Variants in PRKCB observed in about 807,000 individuals in gnomAD.
The protein encoded by PRKCB is protein kinase C beta.
Under a neutral mutation model 81.5 loss-of-function variants are expected in PRKCB, and 13 were observed. The observed-to-expected ratio is 0.16, with a 90% CI of 0.10 to 0.25. PRKCB has a LOEUF of 0.25. Among genes scored for constraint, PRKCB ranks in the 10% least tolerant of loss-of-function variants. The pLI, the probability that PRKCB is intolerant of heterozygous loss-of-function variation, is 1.00. For missense variants in PRKCB, 509 were observed against 875.7 expected (o/e 0.58, Z 5.29); for synonymous variants, 335 against 321.4 (o/e 1.04, Z -0.45).
intron 2 of PRKCB, among the ~76,000 whole-genome samples, chr16:23,844,649 A>G (rs952441043): frequency 2.6e-5 from 4 of 151,880 alleles, no homozygotes; most frequent in Non-Finnish European, 5.9e-5. Flanking sequence ...CTGGGACTAC[A>G]GGCGCCCACC....
chr16:24,069,422 G>C (rs1303162646), intron 5 of PRKCB, among the ~76,000 whole-genome samples: 1 of 152,192 alleles, frequency 6.6e-6, no homozygotes, highest in Non-Finnish European at 1.5e-5. Flanking sequence ...GGGACGAGCA[G>C]TGCTGTGCTG....
chr16:23,945,347 G>T (rs190388281), intron 2 of PRKCB, among the ~76,000 whole-genome samples: 110 of 152,314 alleles, frequency 7.2e-4, no homozygotes, highest in Non-Finnish European at 1.5e-3. Flanking sequence ...TGGAAATAAT[G>T]TGTGTGATCC....
intron 2 of PRKCB, among the ~76,000 whole-genome samples, chr16:23,937,351 G>T (rs147804642): frequency 8.1e-4 from 123 of 152,274 alleles, no homozygotes; most frequent in African/African-American, 2.8e-3. Context: ...TAGCACAGTG[G>T]AACCACACTG....
At chr16:24,036,350 C>T (rs1034194771) in intron 5 of PRKCB, among the ~76,000 whole-genome samples, 2 of 152,170 alleles carry the variant, frequency 1.3e-5, no homozygotes, top group Middle Eastern at 3.4e-3. Context: ...CCATAAGCCC[C>T]GGTATAACCA....
chr16:23,968,943 G>T (rs1964522780), intron 2 of PRKCB, among the ~76,000 whole-genome samples: 1 of 152,154 alleles, frequency 6.6e-6, no homozygotes, highest in Admixed American at 6.5e-5. Context: ...TCTCAGGTGG[G>T]CAGATCTCTT....
At chr16:24,030,122 T>G (rs913990989) in intron 3 of PRKCB, among the ~76,000 whole-genome samples, 2 of 152,220 alleles carry the variant, frequency 1.3e-5, no homozygotes, top group Non-Finnish European at 2.9e-5. Context: ...GGTCTTGATC[T>G]CCTGGCCTCA....
At chr16:24,163,405 A>G (rs1967295199) in intron 10 of PRKCB, among the ~76,000 whole-genome samples, 1 of 152,200 alleles carries the variant, frequency 6.6e-6, no homozygotes, top group Admixed American at 6.5e-5. Context: ...ACAGGAAATG[A>G]ATCAGAAATG....
chr16:24,097,939 A>C (rs1966463803), intron 7 of PRKCB, among the ~76,000 whole-genome samples: 1 of 152,182 alleles, frequency 6.6e-6, no homozygotes, highest in Non-Finnish European at 1.5e-5. Flanking sequence ...CAGAGAGACT[A>C]GATGGTAATT....
At chr16:24,135,311 T>C (rs1023463507) in intron 9 of PRKCB, among the ~76,000 whole-genome samples, 2 of 50,022 alleles carry the variant, frequency 4.0e-5, no homozygotes, top group Admixed American at 2.2e-4. Context: ...TCAGTGTCCC[T>C]TTTTTTTTTT....
intron 15 of PRKCB, among the ~76,000 whole-genome samples, chr16:24,188,732 A>G (rs1306012630): frequency 6.6e-6 from 1 of 152,154 alleles, no homozygotes; most frequent in African/African-American, 2.4e-5. Flanking sequence ...ATAAAGCTAT[A>G]AGAGTCCTGA....
intron 12 of PRKCB, among the ~76,000 whole-genome samples, chr16:24,179,720 T>C (rs986550602): frequency 6.6e-6 from 1 of 152,262 alleles, no homozygotes; most frequent in Admixed American, 6.5e-5. Flanking sequence ...AGGTCTTTTC[T>C]GACTGACACC....
Position 24,218,884 on chromosome 16 carries a change from A to G in PRKCB, c.*4068A>G, listed in dbSNP as rs1170655221. ...TGTCCCTCCAGTCCGAGAGACTGTG[A>G]TGAGGCCTACATAGCAGCGATGTGG... On this transcript the variant is annotated 3_prime_UTR_variant, in exon 17 of 17. Transcript: ENST00000643927. The G allele has an allele frequency of 1.7e-5, 17 of 985,408 alleles. No individual in the cohort carries two copies. Among genetic ancestry groups the G allele is most frequent in the Non-Finnish European group, 1.8e-5 (15 of 829,940 alleles). 61.0% of individuals were successfully genotyped at this position (985,408 alleles called of 1,614,324 possible). A position where few individuals can be genotyped will look rare whatever the true frequency, so the allele number is the denominator to read the frequency against.
chr16:24,113,266 T>TCCTTTCTCTCTTGCTTTCTC (rs1233034238), intron 8 of PRKCB, among the ~76,000 whole-genome samples, 197 bp downstream of exon 8: 11 of 149,168 alleles, frequency 7.4e-5, no homozygotes, highest in African/African-American at 2.7e-4. Context: ...CTCGCTTTCT[T>TCCTTTCTCTCTTGCTTTCTC]CCTTTCTCTC....
chr16:24,081,842 G>C lies in PRKCB; in HGVS notation c.530-10949G>C, dbSNP rs533752602. ...GCTGAGATTGCACCACTGCACTCCA[G>C]CCTGGGTGACAGAGCAAGACTCTGT... is the stretch of plus-strand genomic sequence containing the variant. On this transcript the variant is annotated intron_variant, in intron 5 of 16. Coordinates refer to ENST00000643927, the MANE Select transcript of PRKCB (RefSeq NM_002738.7). Among the ~76,000 whole-genome samples the C allele has an allele frequency of 3.9e-5, 6 of 152,104 alleles. No individual in the cohort carries two copies. The South Asian group carries it at 1.0e-3, about 26-fold the overall frequency.
intron 3 of PRKCB, among the ~76,000 whole-genome samples, chr16:24,000,877 T>C (rs1004409534): frequency 6.6e-6 from 1 of 152,218 alleles, no homozygotes; most frequent in East Asian, 1.9e-4. Flanking sequence ...GGTGTCAAAT[T>C]CCAAATGGTC....
chr16:24,051,055 G>A (rs1443396462), intron 5 of PRKCB, among the ~76,000 whole-genome samples: 1 of 152,098 alleles, frequency 6.6e-6, no homozygotes, highest in African/African-American at 2.4e-5. Context: ...TGTGCCGAGT[G>A]TCTTCCGGAC....
chr16:24,147,376 AG>A, intron 9 of PRKCB, among the ~76,000 whole-genome samples: 1 of 152,062 alleles, frequency 6.6e-6, no homozygotes, highest in East Asian at 1.9e-4. Context: ...TGATGGAAGC[AG>A]GGCCGTGTTT....
intron 15 of PRKCB, among the ~76,000 whole-genome samples, chr16:24,186,888 G>A (rs1445632067): frequency 6.6e-6 from 1 of 152,196 alleles, no homozygotes. Context: ...TCTCAATCCC[G>A]AACATCTAAA....
intron 5 of PRKCB, among the ~76,000 whole-genome samples, chr16:24,044,992 A>G (rs1169652384): frequency 1.3e-5 from 2 of 152,220 alleles, no homozygotes; most frequent in Non-Finnish European, 2.9e-5. Context: ...GGTTGTAAAC[A>G]CTGGGATCGC....
Sources: allele counts gnomAD v4.1 joint callset (sites outside exome capture counted in the v4.1 genomes callset), GRCh38; gene constraint gnomAD v4.1.1; transcripts MANE v1.5; gene names NCBI Gene and HGNC (gene_info 2026-07-23, HGNC 2026-07-21).